Variants in NUP88 observed in about 807,000 individuals in gnomAD.
NUP88 encodes nuclear pore complex protein Nup88.
NUP88 carries 57 observed loss-of-function variants against 93.9 expected under a neutral mutation model. The observed-to-expected ratio is 0.61, with a 90% CI of 0.49 to 0.76. NUP88 has a LOEUF of 0.76. Ranked by LOEUF, NUP88 falls within the 30% of genes least tolerant of loss-of-function variation. The pLI is 0.00. For synonymous variants in NUP88, 346 were observed against 336.8 expected (o/e 1.03, Z -0.30); for missense variants, 911 against 901.0 (o/e 1.01, Z -0.14).
chr17:5,406,808 T>C (rs1236519284), intron 5 of NUP88, among the ~76,000 whole-genome samples: 4 of 152,154 alleles, frequency 2.6e-5, no homozygotes, highest in East Asian at 1.9e-4. Flanking sequence ...AATATCATAA[T>C]GTTCTAAGAA....
rs764339964 is a variant in NUP88 at position 5,408,843 on chromosome 17, G to A, written c.747C>T (p.Val249=). Residue 249 remains valine, a synonymous_variant, in exon 5 of 17, where the codon GTC becomes GTT. Coordinates refer to ENST00000573584, the MANE Select transcript of NUP88 (RefSeq NM_002532.6). ...VAFDFGPLAA[V]PKTLFGQNGK... is the part of the protein sequence containing the mutation. Reference sequence around the variant, plus strand: ...CGTTTTGTCCAAATAGAGTCTTTGGGACTGCTGCCAATGGCCCAAAGTCAA... The same window carrying A: ...CGTTTTGTCCAAATAGAGTCTTTGGAACTGCTGCCAATGGCCCAAAGTCAA... The A allele has an allele frequency of 9.9e-6, 16 of 1,614,014 alleles. No individual in the cohort carries two copies. The highest frequency in any genetic ancestry group is 1.4e-5 in the Non-Finnish European group (16 of 1,179,928).
chr17:5,387,939 G>A, intron 11 of NUP88, 35 bp from the exon 12 acceptor site: 1 of 1,576,546 alleles, frequency 6.3e-7, no homozygotes, highest in South Asian at 1.2e-5. Context: ...ATTTTCCTTA[G>A]CTGAGTAAAA....
At chr17:5,397,691 G>A (rs769255534) in intron 8 of NUP88, among the ~76,000 whole-genome samples, 3 of 152,164 alleles carry the variant, frequency 2.0e-5, no homozygotes, top group African/African-American at 4.8e-5. Context: ...ATTTACAACA[G>A]TAGCAGTAGA....
rs1911897280 is a variant in NUP88, at chr17:5,385,673, G to C, written c.*533C>G. The C allele has an allele frequency of 4.3e-6, 1 of 231,144 alleles. No homozygotes were observed. The highest frequency in any genetic ancestry group is 8.6e-6 in the Non-Finnish European group (1 of 116,886). The allele number at this position is 231,144 out of a possible 1,614,324, so 14.3% of individuals were successfully genotyped here. On this transcript the variant is annotated 3_prime_UTR_variant, in exon 17 of 17. Transcript: ENST00000573584. Reference sequence around the variant, plus strand: ...GAAAGGTAATACAGCTTGTGAGGAAGTGAGCCAGCAGTGGCCTTTGCAATT... The same window carrying C: ...GAAAGGTAATACAGCTTGTGAGGAACTGAGCCAGCAGTGGCCTTTGCAATT...
At chr17:5,387,296 G>T in intron 14 of NUP88, 90 bp downstream of exon 14, 2 of 1,291,032 alleles carry the variant, frequency 1.5e-6, no homozygotes, top group Non-Finnish European at 2.2e-6. Flanking sequence ...GTTCAGTTCC[G>T]TAGGTATGTA....
intron 2 of NUP88, among the ~76,000 whole-genome samples, chr17:5,416,166 A>AAATATATATATATATATATATAT (rs1914129874): frequency 1.7e-5 from 1 of 57,990 alleles, no homozygotes; most frequent in Non-Finnish European, 3.2e-5. Flanking sequence ...AAAAAAAAAA[A>AAATATATATATATATATATATAT]GTATATATAT....
At chr17:5,419,175 C>G (rs1312420579) in intron 1 of NUP88, among the ~76,000 whole-genome samples, 179 bp downstream of exon 1, 1 of 152,264 alleles carries the variant, frequency 6.6e-6, no homozygotes, top group Non-Finnish European at 1.5e-5. Context: ...TCCTTCCTCC[C>G]AGGCCTCCAG....
At chr17:5,391,391 T>G in intron 10 of NUP88, 170 bp downstream of exon 10, 1 of 594,778 alleles carries the variant, frequency 1.7e-6, no homozygotes, top group Non-Finnish European at 3.0e-6. Context: ...CAATGAAACC[T>G]TATAGAGATG....
In NUP88 at chr17:5,419,513, C is replaced by A; in HGVS notation, c.138G>T (p.Ser46=). ...PTEAEKPASS[S]LPSSPPPQLL... ...ACTGCGGCGGCGGCGACGAAGGCAA[C>A]GACGAAGAAGCTGGTTTCTCAGCTT... The change falls in exon 1 of 17, where the codon TCG becomes TCT. Residue 46 remains serine, a synonymous_variant. Coordinates refer to ENST00000573584, the MANE Select transcript of NUP88 (RefSeq NM_002532.6). 1 of 1,613,902 alleles carries A rather than the reference C, an allele frequency of 6.2e-7. No homozygotes were observed.
chr17:5,418,575 T>C (rs769697179), intron 1 of NUP88, among the ~76,000 whole-genome samples: 8 of 152,132 alleles, frequency 5.3e-5, no homozygotes, highest in Non-Finnish European at 8.8e-5. Flanking sequence ...TTAACTGAAA[T>C]TGGGTAAATA....
At chr17:5,416,834 T>TTG (rs1180707313) in intron 1 of NUP88, 152 bp from the exon 2 acceptor site, 24 of 402,058 alleles carry the variant, frequency 6.0e-5, no homozygotes, top group African/African-American at 4.1e-4. Context: ...ACTCACAAAT[T>TTG]TTTTTTTTTT....
At chr17:5,398,211 T>C (rs542022257) in intron 8 of NUP88, among the ~76,000 whole-genome samples, 1 of 152,208 alleles carries the variant, frequency 6.6e-6, no homozygotes, top group East Asian at 1.9e-4. Flanking sequence ...CCGGTATTAA[T>C]TCTTTAAATG....
chr17:5,405,883 T>C (rs1913462117), intron 5 of NUP88, among the ~76,000 whole-genome samples: 1 of 152,232 alleles, frequency 6.6e-6, no homozygotes, highest in Admixed American at 6.5e-5. Context: ...CAGGATTCTG[T>C]TGTATGCTTT....
At chr17:5,405,398 A>G (rs1391375249) in intron 5 of NUP88, among the ~76,000 whole-genome samples, 155 bp from the exon 6 acceptor site, 1 of 152,028 alleles carries the variant, frequency 6.6e-6, no homozygotes, top group Non-Finnish European at 1.5e-5. Context: ...TCCCACTCAG[A>G]TCCCACCACT....
Position 5,387,474 on chromosome 17 carries a change from T to C in NUP88, c.1836-8A>G. On this transcript the variant is annotated splice_polypyrimidine_tract_variant and splice_region_variant and intron_variant, in intron 13 of 16. Transcript: ENST00000573584. ...ATTTCCCGCAGACTTTTCCTAATGA[T>C]GTAAGACACAAGAGACTCTTGAGGT... 1 of 1,613,944 alleles carries C rather than the reference T, an allele frequency of 6.2e-7. No individual in the cohort carries two copies. The highest frequency in any genetic ancestry group is 8.5e-7 in the Non-Finnish European group (1 of 1,179,770).
rs1388600180 is a variant in NUP88, at chr17:5,386,034, T to C, written c.*172A>G. On this transcript the variant is annotated 3_prime_UTR_variant, in exon 17 of 17. Coordinates refer to ENST00000573584, the MANE Select transcript of NUP88 (RefSeq NM_002532.6). ...TTGAGTTATAAAGCACATTCCAAAT[T>C]TTAAATAAAAGCATTTACTCAATTA... 1 of 558,550 alleles carries C rather than the reference T, an allele frequency of 1.8e-6. No individual in the cohort carries two copies. The highest frequency in any genetic ancestry group is 3.1e-6 in the Non-Finnish European group (1 of 319,692). 34.6% of individuals were successfully genotyped at this position (558,550 alleles called of 1,614,324 possible).
chr17:5,401,085 T>A (rs1453285096), intron 7 of NUP88, among the ~76,000 whole-genome samples: 1 of 151,956 alleles, frequency 6.6e-6, no homozygotes, highest in Non-Finnish European at 1.5e-5. Context: ...ATTATTAATA[T>A]TAATAATAAT....
intron 10 of NUP88, among the ~76,000 whole-genome samples, chr17:5,390,752 G>C (rs1222266171): frequency 6.6e-6 from 1 of 151,966 alleles, no homozygotes; most frequent in Non-Finnish European, 1.5e-5. Flanking sequence ...TACCCAGGCT[G>C]TAGTGCAGTG....
At chr17:5,408,535 G>A (rs540803825) in intron 5 of NUP88, among the ~76,000 whole-genome samples, 198 bp downstream of exon 5, 27 of 152,258 alleles carry the variant, frequency 1.8e-4, no homozygotes, top group African/African-American at 6.3e-4. Flanking sequence ...GAATTCTATA[G>A]AACTTACCCA....
Sources: gnomAD v4.1 joint callset for allele counts (sites outside exome capture counted in the v4.1 genomes callset) on GRCh38, gnomAD v4.1.1 for gene constraint, MANE v1.5 for transcripts, NCBI Gene and HGNC (gene_info 2026-07-23, HGNC 2026-07-21) for gene names.